The following ESYT3 variants were observed in gnomAD, a reference collection of about 807,000 sequenced individuals.
ESYT3 encodes the protein extended synaptotagmin 3.
ESYT3 carries 101 observed loss-of-function variants against 111.5 expected under a neutral mutation model. That is an observed-to-expected ratio of 0.91 (90% CI 0.77 to 1.07). ESYT3 has a LOEUF of 1.07. Ranked by LOEUF, ESYT3 falls within the 50% of genes least tolerant of loss-of-function variation. The probability of loss-of-function intolerance (pLI) is 0.00; values close to 1 mark genes in which losing one functional copy is unlikely to be tolerated. For missense variants in ESYT3, 1,097 were observed against 1,109.4 expected (o/e 0.99, Z 0.16); for synonymous variants, 416 against 446.8 (o/e 0.93, Z 0.87).
At chr3:138,442,877 C>G (rs1431350329) in intron 1 of ESYT3, among the ~76,000 whole-genome samples, 1 of 152,162 alleles carries the variant, frequency 6.6e-6, no homozygotes, top group Non-Finnish European at 1.5e-5. Context: ...GACACTTTTG[C>G]CCATTCACTG....
In ESYT3 at chr3:138,479,878, A is replaced by G. The variant is rs993067042; in HGVS notation, c.*3024A>G. The G allele has an allele frequency of 9.2e-5, 14 of 152,174 alleles. No homozygotes were observed. Among genetic ancestry groups the G allele is most frequent in the African/African-American group, 3.4e-4 (14 of 41,444 alleles). 9.4% of individuals were successfully genotyped at this position (152,174 alleles called of 1,614,324 possible). On this transcript the variant is annotated 3_prime_UTR_variant, in exon 23 of 23. Coordinates refer to ENST00000389567, the MANE Select transcript of ESYT3 (RefSeq NM_031913.5). ...TGATATTCTGTATCCCCTAGAGTCC[A>G]CTTCTACCCCGTTTAGTAGTAAATA...
rs770610673 is a variant in ESYT3, at chr3:138,474,319, A to T, written c.2435A>T (p.Lys812Met). ...GCATGTCGTAAGAAGACTTCAGTGA[A>T]GCGGAAGACCTTGGAACCCCTGTTT... Reference protein sequence around the residue: ...KWACRKKTSVKRKTLEPLFDE... With the variant: ...KWACRKKTSVMRKTLEPLFDE... Residue 812 changes from lysine to methionine, a missense_variant, in exon 20 of 23, where the codon AAG (lysine) becomes ATG (methionine). By Grantham distance (95) the Lys-to-Met change is moderately conservative. Transcript: ENST00000389567. The T allele has an allele frequency of 6.2e-7, 1 of 1,603,410 alleles. No individual in the cohort carries two copies. The highest frequency in any genetic ancestry group is 8.5e-7 in the Non-Finnish European group (1 of 1,177,422).
chr3:138,455,136 G>A, intron 2 of ESYT3, 58 bp from the exon 3 acceptor site: 1 of 1,591,382 alleles, frequency 6.3e-7, no homozygotes, highest in South Asian at 1.1e-5. Context: ...CCATGCAGCT[G>A]TGGGTCTGCA....
At chr3:138,475,474 C>T (rs186594053) in intron 20 of ESYT3, among the ~76,000 whole-genome samples, 74 of 152,344 alleles carry the variant, frequency 4.9e-4, no homozygotes, top group Non-Finnish European at 9.8e-4. Flanking sequence ...GAGGTTTCCT[C>T]TGCCTTACTC....
At position 138,462,205 on chromosome 3, in the gene ESYT3, G is replaced by A. The variant is rs766037153; in HGVS notation, c.914G>A (p.Cys305Tyr). 3 of 1,614,216 alleles carry A rather than the reference G, an allele frequency of 1.9e-6. No homozygotes were observed. The highest frequency in any genetic ancestry group is 2.5e-6 in the Non-Finnish European group (3 of 1,180,044). The change falls in exon 8 of 23, where the codon TGT (cysteine) becomes TAT (tyrosine). Residue 305 changes from cysteine (C) to tyrosine (Y), a missense_variant and splice_region_variant. Coordinates refer to ENST00000389567, the MANE Select transcript of ESYT3 (RefSeq NM_031913.5). ...DLTNLRFPLPCGVIRVHLLEA... is the reference protein window; with the variant it reads ...DLTNLRFPLPYGVIRVHLLEA... The stretch of plus-strand genomic sequence containing the variant: ...ACCAACCTGCGCTTCCCTCTGCCCT[G>A]TGTGAGTACCCAGTACTAGCCACAG...
intron 22 of ESYT3, 74 bp from the exon 23 acceptor site, chr3:138,476,744 G>T: frequency 1.4e-6 from 2 of 1,465,176 alleles, no homozygotes; most frequent in South Asian, 1.2e-5. Flanking sequence ...AGGCAGGCAG[G>T]ACTAGGCAGT....
intron 2 of ESYT3, among the ~76,000 whole-genome samples, chr3:138,452,936 C>T (rs574001437): frequency 2.5e-4 from 38 of 152,294 alleles, no homozygotes; most frequent in Non-Finnish European, 5.4e-4. Context: ...AAAGCATTCC[C>T]TAGCCGGGCA....
intron 1 of ESYT3, among the ~76,000 whole-genome samples, chr3:138,441,286 G>A (rs1244358137): frequency 6.6e-6 from 1 of 152,228 alleles, no homozygotes; most frequent in Non-Finnish European, 1.5e-5. Flanking sequence ...GGCCAGGAGT[G>A]TCCAGGCAAC....
In ESYT3 at chr3:138,434,805, G is replaced by A; in HGVS notation, c.7G>A (p.Ala3Thr). Residue 3 changes from alanine (A) to threonine (T), a missense_variant, in exon 1 of 23, where the codon GCA becomes ACA. Physicochemically the swap from Ala to Thr is moderately conservative, Grantham distance 58 (BLOSUM62 0). Coordinates refer to ENST00000389567, the MANE Select transcript of ESYT3 (RefSeq NM_031913.5). ...GCAAGACTGCGGCGACGAGATGCGA[G>A]CAGAGGAGCCCTGCGCCCCCGGGGC... is the stretch of plus-strand genomic sequence containing the variant. MR[A>T]EEPCAPGAPS... The A allele has an allele frequency of 6.4e-7, 1 of 1,556,946 alleles. No homozygotes were observed. Among genetic ancestry groups the A allele is most frequent in the Non-Finnish European group, 8.7e-7 (1 of 1,154,736 alleles).
chr3:138,446,603 G>A (rs1416797891), intron 1 of ESYT3, among the ~76,000 whole-genome samples: 1 of 152,176 alleles, frequency 6.6e-6, no homozygotes, highest in East Asian at 1.9e-4. Flanking sequence ...GGGCAATAAT[G>A]ATATACCTGG....
intron 2 of ESYT3, among the ~76,000 whole-genome samples, chr3:138,453,032 A>G (rs2032044628): frequency 6.6e-6 from 1 of 152,216 alleles, no homozygotes. Context: ...CAGCTTGAGC[A>G]ACATAGCAAG....
Position 138,434,637 on chromosome 3 carries a change from C to A in ESYT3, c.-162C>A, listed in dbSNP as rs1405042364. 8 of 638,126 alleles carry A rather than the reference C, an allele frequency of 1.3e-5. No homozygotes were observed. The highest frequency in any genetic ancestry group is 3.1e-5 in the East Asian group (1 of 32,398). The allele number at this position is 638,126 out of a possible 1,614,324, so 39.5% of individuals were successfully genotyped here. A position where few individuals can be genotyped will look rare whatever the true frequency, so the allele number is the denominator to read the frequency against. ...CGGTGCATTTCCAGGCGCTGCTCTC[C>A]GTCGCAGAGAACCCTGAGCTCGGCG... On this transcript the variant is annotated 5_prime_UTR_variant, in exon 1 of 23. Coordinates refer to ENST00000389567, the MANE Select transcript of ESYT3 (RefSeq NM_031913.5).
chr3:138,450,612 A>G lies in ESYT3; in HGVS notation c.328-1436A>G, dbSNP rs2031857698. Among the ~76,000 whole-genome samples, 3 of 152,244 alleles carry G rather than the reference A, an allele frequency of 2.0e-5. No individual in the cohort carries two copies. The South Asian group carries it at 6.2e-4, about 31-fold the overall frequency. Reference sequence around the variant, plus strand: ...AGAGAGAATGGGAGAATGGTGTCCCAAGAGTCTCAGAAGCACTGAACTCCT... The same window carrying G: ...AGAGAGAATGGGAGAATGGTGTCCCGAGAGTCTCAGAAGCACTGAACTCCT... On this transcript the variant is annotated intron_variant, in intron 1 of 22. Transcript: ENST00000389567.
intron 1 of ESYT3, among the ~76,000 whole-genome samples, chr3:138,437,088 C>A (rs2030763952): frequency 6.6e-6 from 1 of 152,016 alleles, no homozygotes; most frequent in Non-Finnish European, 1.5e-5. Context: ...GTTTTCACCC[C>A]ACAACCCATA....
rs1412871928 is a variant in ESYT3 at position 138,476,935 on chromosome 3, AATAT to A, written c.*84_*87del. The A allele has an allele frequency of 9.4e-7, 1 of 1,059,994 alleles. No individual in the cohort carries two copies. The highest frequency in any genetic ancestry group is 1.6e-5 in the African/African-American group (1 of 61,632). The allele number at this position is 1,059,994 out of a possible 1,614,324, so 65.7% of individuals were successfully genotyped here. ...TTTTTCCTTTGGATCACTTACATCC[AATAT>A]ATGTATATTTTGTCATTTAAATCAG... On this transcript the variant is annotated 3_prime_UTR_variant, in exon 23 of 23. Transcript: ENST00000389567.
intron 17 of ESYT3, 116 bp downstream of exon 17, chr3:138,471,142 T>G: frequency 1.3e-6 from 1 of 780,716 alleles, no homozygotes; most frequent in South Asian, 1.6e-5. Context: ...AGGAGATGGA[T>G]TCATGTTTTT....
intron 1 of ESYT3, among the ~76,000 whole-genome samples, chr3:138,446,787 A>G (rs2031570103): frequency 6.6e-6 from 1 of 152,198 alleles, no homozygotes; most frequent in South Asian, 2.1e-4. Context: ...GCTACTAGGG[A>G]GGCCAAGGCA....
intron 1 of ESYT3, among the ~76,000 whole-genome samples, chr3:138,437,697 G>A (rs540077469): frequency 4.1e-4 from 63 of 152,268 alleles, no homozygotes; most frequent in African/African-American, 1.4e-3. Flanking sequence ...GAGGAGACAG[G>A]CCAGTTGGGA....
In ESYT3 at chr3:138,440,740, C is replaced by T. The variant is rs1002374930; in HGVS notation, c.327+5615C>T. On this transcript the variant is annotated intron_variant, in intron 1 of 22. Coordinates refer to ENST00000389567, the MANE Select transcript of ESYT3 (RefSeq NM_031913.5). The surrounding 1 kb of genome is among the most constrained non-coding windows in gnomAD (Gnocchi z 4.2). ...TGATGGTTCATGGACTTATCATGTC[C>T]TGGGCCAGGATTGAGCAATATGAGT... 6.6e-6 allele frequency among the ~76,000 whole-genome samples: 1 copy of T among 152,198 alleles called. No homozygotes were observed. Among genetic ancestry groups the T allele is most frequent in the African/African-American group, 2.4e-5 (1 of 41,442 alleles).
Sources: allele counts gnomAD v4.1 joint callset (sites outside exome capture counted in the v4.1 genomes callset), GRCh38; gene constraint gnomAD v4.1.1; non-coding constraint Gnocchi (gnomAD v3.1); transcripts MANE v1.5; gene names NCBI Gene and HGNC (gene_info 2026-07-23, HGNC 2026-07-21).